Variants in KDM1B observed in about 807,000 individuals in gnomAD.
The protein encoded by KDM1B is lysine demethylase 1B, also known as lysine-specific histone demethylase 2.
Under a neutral mutation model 107.4 loss-of-function variants are expected in KDM1B, and 63 were observed. That is an observed-to-expected ratio of 0.59 (90% confidence interval 0.48 to 0.72). KDM1B has a LOEUF of 0.72. Among genes scored for constraint, KDM1B ranks in the 30% least tolerant of loss-of-function variants. KDM1B has a pLI of 0.00. For synonymous variants in KDM1B, 363 were observed against 363.9 expected (o/e 1.00, Z 0.03); for missense variants, 749 against 1,020.8 (o/e 0.73, Z 3.63).
At chr6:18,217,964 T>TA in intron 21 of KDM1B, 79 bp downstream of exon 21, 1 of 1,446,894 alleles carries the variant, frequency 6.9e-7, no homozygotes. Flanking sequence ...GCCCAGAGTT[T>TA]AAAAACCAAT....
At chr6:18,185,510 C>T (rs1405826389) in intron 7 of KDM1B, among the ~76,000 whole-genome samples, 1 of 152,106 alleles carries the variant, frequency 6.6e-6, no homozygotes, top group Non-Finnish European at 1.5e-5. Flanking sequence ...CTATTTTGGC[C>T]AGGCTGGTCT....
rs1340505285 is a variant in KDM1B at position 18,162,962 on chromosome 6, G to C, written c.305+38G>C. 1 of 1,315,034 alleles carries C rather than the reference G, an allele frequency of 7.6e-7. No homozygotes were observed. The highest frequency in any genetic ancestry group is 1.4e-5 in the African/African-American group (1 of 69,210). 81.5% of individuals were successfully genotyped at this position (1,315,034 alleles called of 1,614,324 possible). A position where few individuals can be genotyped will look rare whatever the true frequency, so the allele number is the denominator to read the frequency against. On this transcript the variant is annotated intron_variant, in intron 5 of 21. Coordinates refer to ENST00000650836, the MANE Select transcript of KDM1B (RefSeq NM_001364614.2). The surrounding 1 kb of genome is among the most constrained non-coding windows in gnomAD (Gnocchi z 4.1). ...ATTGTGTGAGGTTTCCCTGGAGAAG[G>C]GGACCGTGGCAGGGGCAGTGCGTGT...
intron 2 of KDM1B, among the ~76,000 whole-genome samples, chr6:18,157,922 C>T (rs1784731972): frequency 1.3e-5 from 2 of 149,138 alleles, no homozygotes; most frequent in Non-Finnish European, 3.0e-5. Flanking sequence ...ATGCCATTCT[C>T]CTGCCTCAGC....
chr6:18,196,845 T>G (rs1787683220), intron 10 of KDM1B, among the ~76,000 whole-genome samples: 1 of 152,162 alleles, frequency 6.6e-6, no homozygotes, highest in Non-Finnish European at 1.5e-5. Context: ...GACTTGAGAA[T>G]CTATGGATTT....
Position 18,222,820 on chromosome 6 carries a change from A to G in KDM1B, c.*828A>G, listed in dbSNP as rs968805824. Reference sequence around the variant, plus strand: ...ACCACTAGCAAAAAAACTTGTCAGAATAATTTAACCAAGCCCCTCTCCACT... The same window carrying G: ...ACCACTAGCAAAAAAACTTGTCAGAGTAATTTAACCAAGCCCCTCTCCACT... On this transcript the variant is annotated 3_prime_UTR_variant, in exon 22 of 22. Coordinates refer to ENST00000650836, the MANE Select transcript of KDM1B (RefSeq NM_001364614.2). 1.3e-5 allele frequency: 2 copies of G among 152,656 alleles called. No individual in the cohort carries two copies. The highest frequency in any genetic ancestry group is 2.9e-5 in the Non-Finnish European group (2 of 68,042). The allele number at this position is 152,656 out of a possible 1,614,324, so 9.5% of individuals were successfully genotyped here.
In KDM1B at chr6:18,192,108, A is replaced by T. The variant is rs1034693736; in HGVS notation, c.969+727A>T. On this transcript the variant is annotated intron_variant, in intron 10 of 21. Transcript: ENST00000650836. ...ACCCCCCCATCTCTACAAAAAATTAAAAAATTAGCCATGTGTGGTGGCACA... is the reference window on the plus strand; with the variant it reads ...ACCCCCCCATCTCTACAAAAAATTATAAAATTAGCCATGTGTGGTGGCACA... Among the ~76,000 whole-genome samples, 6 of 152,052 alleles carry T rather than the reference A, an allele frequency of 3.9e-5. No homozygotes were observed. The South Asian group carries it at 8.3e-4, about 21-fold the overall frequency.
chr6:18,184,736 C>CTTTTTTTTT (rs58897300), intron 7 of KDM1B, among the ~76,000 whole-genome samples: 2,147 of 65,364 alleles, frequency 0.033, 327 homozygotes, highest in Middle Eastern at 0.065. Context: ...AGCTTTTTTC[C>CTTTTTTTTT]TTTTTTTTTT....
rs1423921053 is a variant in KDM1B, at chr6:18,214,928, C to CA, written c.2110-73dup. The stretch of plus-strand genomic sequence containing the variant: ...CTGTCTCATTTAAAACAAAACAAAA[C>CA]AAAAAACAAAAAAAAGAGGCCCTTA... On this transcript the variant is annotated intron_variant, in intron 19 of 21. Coordinates refer to ENST00000650836, the MANE Select transcript of KDM1B (RefSeq NM_001364614.2). This position sits in a 1 kb window ranked among gnomAD's most constrained non-coding sequence, Gnocchi z 4.4. 2.5e-5 allele frequency: 36 copies of CA among 1,445,758 alleles called. No individual in the cohort carries two copies. The South Asian group carries it at 3.0e-4, about 12-fold the overall frequency. The allele number at this position is 1,445,758 out of a possible 1,614,324, so 89.6% of individuals were successfully genotyped here.
chr6:18,179,829 A>G lies in KDM1B; in HGVS notation c.535-5943A>G, dbSNP rs200650458. Among the ~76,000 whole-genome samples, 285 of 107,738 alleles carry G rather than the reference A, an allele frequency of 2.6e-3. 3 individuals carry two copies. Among genetic ancestry groups the G allele is most frequent in the Middle Eastern group, 0.018 (3 of 170 alleles). 70.7% of individuals were successfully genotyped at this position (107,738 alleles called of 152,430 possible). On this transcript the variant is annotated intron_variant, in intron 7 of 21. Coordinates refer to ENST00000650836, the MANE Select transcript of KDM1B (RefSeq NM_001364614.2). ...GTAAGAGCTATTCCAAAATCTTTCAATTTAGCATTGGTTTTTTTTCCTTTT... is the reference window on the plus strand; with the variant it reads ...GTAAGAGCTATTCCAAAATCTTTCAGTTTAGCATTGGTTTTTTTTCCTTTT...
chr6:18,213,869 C>A lies in KDM1B; in HGVS notation c.2109+88C>A. 2 of 1,416,656 alleles carry A rather than the reference C, an allele frequency of 1.4e-6. No homozygotes were observed. Among genetic ancestry groups the A allele is most frequent in the Non-Finnish European group, 2.0e-6 (2 of 1,009,320 alleles). 87.8% of individuals were successfully genotyped at this position (1,416,656 alleles called of 1,614,324 possible). A position where few individuals can be genotyped will look rare whatever the true frequency, so the allele number is the denominator to read the frequency against. On this transcript the variant is annotated intron_variant, in intron 19 of 21. Transcript: ENST00000650836. The surrounding 1 kb of genome is among the most constrained non-coding windows in gnomAD (Gnocchi z 5.9). The stretch of plus-strand genomic sequence containing the variant: ...ATTACTCACCTATCAAGCTCAGGAA[C>A]TAACGAACATCATGGAGACCCTGGG...
chr6:18,162,773 TA>T lies in KDM1B; in HGVS notation c.216-56del. 3.1e-6 allele frequency: 3 copies of T among 975,638 alleles called. No individual in the cohort carries two copies. The highest frequency in any genetic ancestry group is 5.0e-6 in the Non-Finnish European group (3 of 604,672). 60.4% of individuals were successfully genotyped at this position (975,638 alleles called of 1,614,324 possible). On this transcript the variant is annotated intron_variant, in intron 4 of 21. Coordinates refer to ENST00000650836, the MANE Select transcript of KDM1B (RefSeq NM_001364614.2). This position sits in a 1 kb window ranked among gnomAD's most constrained non-coding sequence, Gnocchi z 4.1. ...TAGATGGTGCTTGCAAGATGTTTTTTAAAAAATGGGAGGAGAAATGTTTATT... is the reference window on the plus strand; with the variant it reads ...TAGATGGTGCTTGCAAGATGTTTTTTAAAAATGGGAGGAGAAATGTTTATT...
chr6:18,156,477 T>A (rs1784616637), intron 2 of KDM1B, among the ~76,000 whole-genome samples: 1 of 152,142 alleles, frequency 6.6e-6, no homozygotes. Context: ...TTTTGTGTTT[T>A]TAAATCTATT....
chr6:18,217,632 C>T (rs1170831382), intron 20 of KDM1B, 101 bp from the exon 21 acceptor site: 3 of 915,360 alleles, frequency 3.3e-6, no homozygotes, highest in Non-Finnish European at 5.1e-6. Flanking sequence ...CCGCCTTAGC[C>T]TCCCAAAGTG....
intron 17 of KDM1B, among the ~76,000 whole-genome samples, chr6:18,210,342 CTTTTTTTT>C (rs533016543): frequency 3.3e-4 from 23 of 70,006 alleles, no homozygotes; most frequent in Admixed American, 1.5e-3. Flanking sequence ...TCTTTCTTTT[CTTTTTTTT>C]TTTTTTTTTT....
rs73366534 is a variant in KDM1B at position 18,216,667 on chromosome 6, C to T, written c.2233-1066C>T. Among the ~76,000 whole-genome samples the T allele has an allele frequency of 2.2e-3, 333 of 152,250 alleles. 3 individuals are homozygous for T. Among genetic ancestry groups the T allele is most frequent in the African/African-American group, 7.7e-3 (320 of 41,516 alleles). Reference sequence around the variant, plus strand: ...GATTCATAAGTTTTCAGTCATGCACCGTTCTGAAGAGCGTGTCCAGTACCT... The same window carrying T: ...GATTCATAAGTTTTCAGTCATGCACTGTTCTGAAGAGCGTGTCCAGTACCT... On this transcript the variant is annotated intron_variant, in intron 20 of 21. Coordinates refer to ENST00000650836, the MANE Select transcript of KDM1B (RefSeq NM_001364614.2).
Position 18,223,839 on chromosome 6 carries a change from T to C in KDM1B, c.*1847T>C, listed in dbSNP as rs1020098591. 1.3e-5 allele frequency: 2 copies of C among 152,236 alleles called. No individual in the cohort carries two copies. Among genetic ancestry groups the C allele is most frequent in the Non-Finnish European group, 1.5e-5 (1 of 68,038 alleles). 9.4% of individuals were successfully genotyped at this position (152,236 alleles called of 1,614,324 possible). A position where few individuals can be genotyped will look rare whatever the true frequency, so the allele number is the denominator to read the frequency against. ...TGGTTGTGTAAAACTAATAAAAAACTAGACTTTCACATGTACTCTGTACTG... is the reference window on the plus strand; with the variant it reads ...TGGTTGTGTAAAACTAATAAAAAACCAGACTTTCACATGTACTCTGTACTG... On this transcript the variant is annotated 3_prime_UTR_variant, in exon 22 of 22. Transcript: ENST00000650836.
chr6:18,205,504 A>T lies in KDM1B; in HGVS notation c.1532-33A>T, dbSNP rs796173315. The T allele has an allele frequency of 7.2e-6, 11 of 1,538,268 alleles. No homozygotes were observed. The African/African-American group carries it at 1.5e-4, about 21-fold the overall frequency. ...AGAATTGGAGAATCTTGTTAAAGCT[A>T]TTTTTTTCTGCTTTGATCCATTCCC... is the stretch of plus-strand genomic sequence containing the variant. On this transcript the variant is annotated intron_variant, in intron 14 of 21. Transcript: ENST00000650836. This position sits in a 1 kb window ranked among gnomAD's most constrained non-coding sequence, Gnocchi z 5.7.
intron 5 of KDM1B, among the ~76,000 whole-genome samples, chr6:18,164,230 C>A (rs1196515116): frequency 6.6e-6 from 1 of 151,960 alleles, no homozygotes; most frequent in East Asian, 1.9e-4. Flanking sequence ...TGAGTTCAAG[C>A]CATTCTTCTG....
intron 7 of KDM1B, among the ~76,000 whole-genome samples, chr6:18,181,432 C>T (rs1314149912): frequency 6.6e-6 from 1 of 152,092 alleles, no homozygotes; most frequent in East Asian, 1.9e-4. Flanking sequence ...AAATAAGTTT[C>T]TAAAAACTCT....
Sources: allele counts gnomAD v4.1 joint callset (sites outside exome capture counted in the v4.1 genomes callset), GRCh38; gene constraint gnomAD v4.1.1; non-coding constraint Gnocchi (gnomAD v3.1); transcripts MANE v1.5; gene names NCBI Gene and HGNC (gene_info 2026-07-23, HGNC 2026-07-21).